XPNPEP3: variants seen among roughly 807,000 people sequenced by gnomAD.
XPNPEP3 encodes xaa-Pro aminopeptidase 3.
Under a neutral mutation model 60.0 loss-of-function variants are expected in XPNPEP3, and 41 were observed. The ratio of observed to expected loss-of-function variants is 0.68; its 90% confidence interval spans 0.53 to 0.89. The LOEUF (loss-of-function observed/expected upper bound fraction) is 0.89. XPNPEP3 is among the 40% of genes least tolerant of loss of function. XPNPEP3 has a pLI of 0.00. For missense variants in XPNPEP3, 598 were observed against 638.9 expected (o/e 0.94, Z 0.69); for synonymous variants, 212 against 223.2 (o/e 0.95, Z 0.45).
chr22:40,872,947 T>G (rs1283960669), intron 2 of XPNPEP3, among the ~76,000 whole-genome samples: 1 of 152,060 alleles, frequency 6.6e-6, no homozygotes, highest in Non-Finnish European at 1.5e-5. Flanking sequence ...TTTCTAAAAT[T>G]TTTACATTCT....
At chr22:40,862,464 G>A (rs186696215) in intron 1 of XPNPEP3, 5 of 986,332 alleles carry the variant, frequency 5.1e-6, no homozygotes, top group East Asian at 1.1e-4. Context: ...ACTGACTTAC[G>A]GGTGAAGAAA....
chr22:40,905,848 A>C (rs1184364489), intron 4 of XPNPEP3, among the ~76,000 whole-genome samples: 1 of 151,998 alleles, frequency 6.6e-6, no homozygotes, highest in Non-Finnish European at 1.5e-5. Flanking sequence ...GCTGTAGTGC[A>C]GTGGCACGAT....
chr22:40,886,541 T>C, intron 4 of XPNPEP3, 26 bp downstream of exon 4: 1 of 1,609,548 alleles, frequency 6.2e-7, no homozygotes, highest in South Asian at 1.1e-5. Context: ...AAAAGTTTTT[T>C]CCAGCCGGGC....
At chr22:40,861,068 A>G (rs2057941596) in intron 1 of XPNPEP3, 3 of 1,579,370 alleles carry the variant, frequency 1.9e-6, no homozygotes, top group Non-Finnish European at 2.6e-6. Context: ...AGTCAATTTA[A>G]CAATTCCTTT....
At chr22:40,895,073 C>A (rs1046459320) in intron 4 of XPNPEP3, among the ~76,000 whole-genome samples, 15 of 152,168 alleles carry the variant, frequency 9.9e-5, no homozygotes, top group African/African-American at 3.6e-4. Flanking sequence ...TGAACATCTA[C>A]TTTTCATACA....
chr22:40,917,457 T>C (rs2058200221), intron 7 of XPNPEP3: 1 of 151,802 alleles, frequency 6.6e-6, no homozygotes, highest in Non-Finnish European at 1.5e-5. Context: ...GATACAAGAT[T>C]TGGGAGGAGA....
rs955706573 is a variant in XPNPEP3, at chr22:40,931,286, A to G, written c.*4851A>G. ...AAGATACATGGTTAGATCATTAACA[A>G]TACCACCTAAATGAAGGAAACATAT... On this transcript the variant is annotated 3_prime_UTR_variant, in exon 10 of 10. Coordinates refer to ENST00000357137, the MANE Select transcript of XPNPEP3 (RefSeq NM_022098.4). 6.6e-6 allele frequency: 1 copy of G among 152,238 alleles called. No homozygotes were observed. The highest frequency in any genetic ancestry group is 2.1e-4 in the South Asian group (1 of 4,832). The allele number at this position is 152,238 out of a possible 1,614,324, so 9.4% of individuals were successfully genotyped here. A position where few individuals can be genotyped will look rare whatever the true frequency, so the allele number is the denominator to read the frequency against.
At chr22:40,924,260 C>A in intron 8 of XPNPEP3, 102 bp from the exon 9 acceptor site, 1 of 1,533,616 alleles carries the variant, frequency 6.5e-7, no homozygotes, top group East Asian at 2.3e-5. Context: ...GTGGCAGAAC[C>A]ATGGGGGAGA....
At chr22:40,880,959 G>GT (rs35315923) in intron 2 of XPNPEP3, among the ~76,000 whole-genome samples, 4 of 151,694 alleles carry the variant, frequency 2.6e-5, no homozygotes, top group Non-Finnish European at 4.4e-5. Context: ...AAACATGGAG[G>GT]TTTTTTTTGT....
chr22:40,915,566 GA>G (rs2058193382), intron 7 of XPNPEP3, among the ~76,000 whole-genome samples: 1 of 149,296 alleles, frequency 6.7e-6, no homozygotes, highest in Admixed American at 6.7e-5. Flanking sequence ...AAAAAAAAAA[GA>G]AAAACTATAA....
intron 7 of XPNPEP3, among the ~76,000 whole-genome samples, chr22:40,914,532 T>A (rs571242019): frequency 2.4e-5 from 1 of 41,808 alleles, no homozygotes; most frequent in Non-Finnish European, 5.7e-5. Context: ...CTAACAAAGA[T>A]TTTTTTTTTT....
chr22:40,898,545 G>A (rs1330667934), intron 4 of XPNPEP3, among the ~76,000 whole-genome samples: 18 of 133,600 alleles, frequency 1.3e-4, no homozygotes, highest in Non-Finnish European at 1.8e-4. Context: ...GAGCCACCGC[G>A]CCCGGCCGAC....
chr22:40,885,588 A>T (rs188372445), intron 3 of XPNPEP3, among the ~76,000 whole-genome samples: 2 of 152,310 alleles, frequency 1.3e-5, no homozygotes, highest in Admixed American at 6.5e-5. Context: ...CACTTTACCC[A>T]TAAAGTCATG....
intron 2 of XPNPEP3, among the ~76,000 whole-genome samples, chr22:40,879,879 TAGTC>T (rs1481940324): frequency 2.0e-5 from 3 of 148,394 alleles, no homozygotes; most frequent in South Asian, 2.2e-4. Context: ...AATACAAAAA[TAGTC>T]AGGCCTGGTG....
rs2058247402 is a variant in XPNPEP3, at chr22:40,929,521, C to T, written c.*3086C>T. 1 of 152,146 alleles carries T rather than the reference C, an allele frequency of 6.6e-6. No homozygotes were observed. Among genetic ancestry groups the T allele is most frequent in the Non-Finnish European group, 1.5e-5 (1 of 68,020 alleles). 9.4% of individuals were successfully genotyped at this position (152,146 alleles called of 1,614,324 possible). ...TTTTCTATGGTCTAAACTTTTCTAG[C>T]TAAAAGCCTAGGTAGCTTGTATGTA... On this transcript the variant is annotated 3_prime_UTR_variant, in exon 10 of 10. Transcript: ENST00000357137.
intron 4 of XPNPEP3, among the ~76,000 whole-genome samples, chr22:40,892,288 G>T (rs1294589493): frequency 6.6e-6 from 1 of 152,094 alleles, no homozygotes. Context: ...AGGTTCAAGG[G>T]ATTCTTCTGC....
chr22:40,870,495 C>T (rs761326028), intron 2 of XPNPEP3, among the ~76,000 whole-genome samples: 7 of 151,918 alleles, frequency 4.6e-5, no homozygotes, highest in African/African-American at 1.5e-4. Flanking sequence ...CTCTCCTAGA[C>T]GTGGGATTTT....
At chr22:40,885,027 C>T (rs77036776) in intron 3 of XPNPEP3, among the ~76,000 whole-genome samples, 5 of 121,700 alleles carry the variant, frequency 4.1e-5, no homozygotes, top group African/African-American at 1.5e-4. Flanking sequence ...GACTACGTCT[C>T]AAAAAAAAAA....
intron 4 of XPNPEP3, among the ~76,000 whole-genome samples, chr22:40,904,286 C>T (rs2014419953): frequency 6.6e-6 from 1 of 152,158 alleles, no homozygotes; most frequent in Non-Finnish European, 1.5e-5. Flanking sequence ...AGGCACATTC[C>T]TTACAAAAAG....
Sources: allele counts gnomAD v4.1 joint callset (sites outside exome capture counted in the v4.1 genomes callset), GRCh38; gene constraint gnomAD v4.1.1; transcripts MANE v1.5; gene names NCBI Gene and HGNC (gene_info 2026-07-23, HGNC 2026-07-21).